MDGA2: variants seen among roughly 807,000 people sequenced by gnomAD.
The protein encoded by MDGA2 is MAM domain-containing glycosylphosphatidylinositol anchor protein 2.
Under a neutral mutation model 117.8 loss-of-function variants are expected in MDGA2, and 40 were observed. The observed-to-expected ratio is 0.34, with a 90% confidence interval of 0.26 to 0.44. The LOEUF is 0.44. MDGA2 is among the 20% of genes least tolerant of loss of function. The pLI is 1.00. For synonymous variants in MDGA2, 452 were observed against 439.0 expected (o/e 1.03, Z -0.37); for missense variants, 1,123 against 1,250.6 (o/e 0.90, Z 1.54).
intron 1 of MDGA2, among the ~76,000 whole-genome samples, chr14:47,412,021 A>C (rs1246088275): frequency 6.6e-6 from 1 of 152,206 alleles, no homozygotes; most frequent in African/African-American, 2.4e-5. Context: ...AAAGTCTCAC[A>C]GTCAGTAACC....
chr14:47,305,011 T>C (rs1032876332), intron 1 of MDGA2, among the ~76,000 whole-genome samples: 2 of 152,172 alleles, frequency 1.3e-5, no homozygotes, highest in African/African-American at 2.4e-5. Context: ...TCAAACACGA[T>C]AGTAAGCATC....
intron 8 of MDGA2, among the ~76,000 whole-genome samples, chr14:46,981,995 G>C (rs1886689264): frequency 6.6e-6 from 1 of 152,192 alleles, no homozygotes; most frequent in Non-Finnish European, 1.5e-5. Flanking sequence ...TTCAGAAGTT[G>C]AGCAATATGT....
chr14:46,982,534 C>T (rs1054297282), intron 8 of MDGA2, among the ~76,000 whole-genome samples: 1 of 151,232 alleles, frequency 6.6e-6, no homozygotes, highest in Non-Finnish European at 1.5e-5. Flanking sequence ...CATGGTGAAA[C>T]CCCGTCTCCG....
rs377352254 is a variant in MDGA2, at chr14:46,852,948, G to A, written c.2883+2076C>T. ...TATCTGGTACCCAATCAAATTACCA[G>A]ACTTGTAAAAAAAATAACGAAAACA... is the stretch of plus-strand genomic sequence containing the variant. On this transcript the variant is annotated intron_variant, in intron 15 of 16. Transcript: ENST00000399232. Among the ~76,000 whole-genome samples, 11 of 151,614 alleles carry A rather than the reference G, an allele frequency of 7.3e-5. No homozygotes were observed. In the East Asian group the frequency reaches 1.9e-3, roughly 27 times the overall value.
chr14:47,195,753 A>C lies in MDGA2; in HGVS notation c.595+22268T>G, dbSNP rs1885267565. Among the ~76,000 whole-genome samples the C allele has an allele frequency of 2.0e-5, 3 of 152,220 alleles. No individual in the cohort carries two copies. In the South Asian group the frequency reaches 6.2e-4, roughly 31 times the overall value. On this transcript the variant is annotated intron_variant, in intron 3 of 16. Coordinates refer to ENST00000399232, the MANE Select transcript of MDGA2 (RefSeq NM_001113498.3). ...AGGCAGCTGAGGAATTTATAAATAG[A>C]TTACATATTCCCTTCAATCTGTGGA...
intron 15 of MDGA2, among the ~76,000 whole-genome samples, chr14:46,847,467 T>A (rs1880886114): frequency 6.6e-6 from 1 of 152,016 alleles, no homozygotes; most frequent in African/African-American, 2.4e-5. Flanking sequence ...TCAGATAGAA[T>A]TTACAATGAA....
chr14:47,412,345 C>T (rs567826068), intron 1 of MDGA2, among the ~76,000 whole-genome samples: 58 of 152,180 alleles, frequency 3.8e-4, no homozygotes, highest in Non-Finnish European at 6.3e-4. Flanking sequence ...CAGCTGTGCT[C>T]ACAGCTCACT....
intron 1 of MDGA2, among the ~76,000 whole-genome samples, chr14:47,611,118 C>T (rs879263436): frequency 1.3e-5 from 2 of 152,010 alleles, no homozygotes; most frequent in Non-Finnish European, 2.9e-5. Context: ...AAAGGACAGC[C>T]TATTCAAAAA....
intron 10 of MDGA2, among the ~76,000 whole-genome samples, chr14:46,906,377 T>A (rs981029366): frequency 1.3e-5 from 2 of 152,082 alleles, no homozygotes; most frequent in Non-Finnish European, 2.9e-5. Flanking sequence ...AAGTAATAGT[T>A]GGGACCAGAA....
At chr14:47,366,201 G>C (rs992099331) in intron 1 of MDGA2, among the ~76,000 whole-genome samples, 1 of 152,140 alleles carries the variant, frequency 6.6e-6, no homozygotes, top group Non-Finnish European at 1.5e-5. Context: ...GACTTTTGTT[G>C]TTGGAGGGAG....
At chr14:47,392,401 C>G (rs1284585897) in intron 1 of MDGA2, among the ~76,000 whole-genome samples, 1 of 151,972 alleles carries the variant, frequency 6.6e-6, no homozygotes, top group East Asian at 1.9e-4. Flanking sequence ...AAATGTTTGA[C>G]CCACATAAAA....
At chr14:47,251,664 A>G (rs925768165) in intron 2 of MDGA2, among the ~76,000 whole-genome samples, 1 of 152,196 alleles carries the variant, frequency 6.6e-6, no homozygotes, top group South Asian at 2.1e-4. Context: ...CAAAAAGCAC[A>G]CCAAGATGTT....
intron 1 of MDGA2, among the ~76,000 whole-genome samples, chr14:47,346,313 A>G (rs546817538): frequency 9.2e-5 from 14 of 152,298 alleles, no homozygotes; most frequent in African/African-American, 3.1e-4. Flanking sequence ...CAAACATCCA[A>G]TAAGCGGTAA....
At chr14:47,270,246 AT>A (rs1266112978) in intron 2 of MDGA2, among the ~76,000 whole-genome samples, 1 of 151,860 alleles carries the variant, frequency 6.6e-6, no homozygotes, top group Non-Finnish European at 1.5e-5. Flanking sequence ...AGGTAATGTG[AT>A]TTTTTTTCTA....
chr14:47,383,352 A>C (rs1464711157), intron 1 of MDGA2, among the ~76,000 whole-genome samples: 1 of 152,196 alleles, frequency 6.6e-6, no homozygotes, highest in Non-Finnish European at 1.5e-5. Flanking sequence ...CAATTAAAAA[A>C]AAAAGAAAAG....
chr14:47,574,981 G>T (rs1896089620), intron 1 of MDGA2, among the ~76,000 whole-genome samples: 2 of 152,014 alleles, frequency 1.3e-5, no homozygotes, highest in Non-Finnish European at 2.9e-5. Context: ...AGTATACGTG[G>T]GTCTGTGTGT....
rs150826944 is a variant in MDGA2, at chr14:47,561,175, G to GTTTTTTTTTTT, written c.280+113341_280+113342insAAAAAAAAAAA. Among the ~76,000 whole-genome samples, 131 of 69,198 alleles carry GTTTTTTTTTTT rather than the reference G, an allele frequency of 1.9e-3. 2 individuals are homozygous for GTTTTTTTTTTT. The highest frequency in any genetic ancestry group is 3.5e-3 in the South Asian group (5 of 1,418). 45.4% of individuals were successfully genotyped at this position (69,198 alleles called of 152,430 possible). ...TTTGTTTTGTTTTGTTTTTTTGTTT[G>GTTTTTTTTTTT]TTTGTTTTTTTTTGCTTAGGATTGC... is the stretch of plus-strand genomic sequence containing the variant. On this transcript the variant is annotated intron_variant, in intron 1 of 16. Coordinates refer to ENST00000399232, the MANE Select transcript of MDGA2 (RefSeq NM_001113498.3).
intron 5 of MDGA2, among the ~76,000 whole-genome samples, chr14:47,102,174 G>A (rs1055697419): frequency 6.6e-6 from 1 of 151,944 alleles, no homozygotes; most frequent in African/African-American, 2.4e-5. Flanking sequence ...ATTTAATTAT[G>A]AAAAAGGAAC....
At chr14:46,942,153 A>G (rs949348887) in intron 9 of MDGA2, among the ~76,000 whole-genome samples, 1 of 152,210 alleles carries the variant, frequency 6.6e-6, no homozygotes, top group African/African-American at 2.4e-5. Context: ...AATACTGTGC[A>G]GAATAACCAT....
Sources: allele counts gnomAD v4.1 joint callset (sites outside exome capture counted in the v4.1 genomes callset), GRCh38; gene constraint gnomAD v4.1.1; transcripts MANE v1.5; gene names NCBI Gene and HGNC (gene_info 2026-07-23, HGNC 2026-07-21).